The following SCN11A variants were observed in gnomAD, a reference collection of about 807,000 sequenced individuals.
SCN11A encodes the protein sodium channel protein type 11 subunit alpha.
A neutral mutation model predicts 162.2 loss-of-function variants in SCN11A; 122 were observed. The observed-to-expected ratio is 0.75, with a 90% CI of 0.65 to 0.87. The LOEUF (loss-of-function observed/expected upper bound fraction) is 0.87. Ranked by LOEUF, SCN11A falls within the 40% of genes least tolerant of loss-of-function variation. SCN11A has a pLI of 0.00. For missense variants in SCN11A, 2,015 were observed against 2,181.6 expected, an observed-to-expected ratio of 0.92 and a Z score of 1.52; for synonymous variants, 758 against 751.5, an observed-to-expected ratio of 1.01 and a Z score of -0.14.
At chr3:38,992,972 G>A (rs927328687) in intron 2 of SCN11A, among the ~76,000 whole-genome samples, 11 of 152,318 alleles carry the variant, frequency 7.2e-5, no homozygotes, top group Non-Finnish European at 1.6e-4. Flanking sequence ...CTCAGTCCTA[G>A]GTCAGGTACA....
At chr3:38,889,670 G>A (rs2065461833) in intron 19 of SCN11A, among the ~76,000 whole-genome samples, 3 of 147,852 alleles carry the variant, frequency 2.0e-5, no homozygotes, top group South Asian at 2.2e-4. Flanking sequence ...TGTGGTGGCC[G>A]GCGCCTGTCA....
chr3:38,919,314 T>C (rs2066009291), intron 11 of SCN11A, among the ~76,000 whole-genome samples: 1 of 152,248 alleles, frequency 6.6e-6, no homozygotes, highest in Non-Finnish European at 1.5e-5. Context: ...TATCTATTTG[T>C]AATTTAGGAA....
At chr3:38,930,727 A>C (rs759238115) in intron 7 of SCN11A, among the ~76,000 whole-genome samples, 11 of 152,128 alleles carry the variant, frequency 7.2e-5, no homozygotes, top group Non-Finnish European at 1.5e-4. Flanking sequence ...ATGTGGAGTA[A>C]AACCATGCCC....
At chr3:38,938,507 ATC>A (rs2066373610) in intron 7 of SCN11A, among the ~76,000 whole-genome samples, 117 of 105,822 alleles carry the variant, frequency 1.1e-3, no homozygotes, top group Middle Eastern at 5.1e-3. Flanking sequence ...AAGGAAAAAT[ATC>A]ATATATATAT....
In SCN11A at chr3:38,863,202, C is replaced by T. The variant is rs375444880; in HGVS notation, c.4049G>A (p.Arg1350Gln). ...TCATTCAATTGCTCTCACCAGAGGC[C>T]GTGGAATGGGTTTTTGAGGTTTTTT... ...GSKKPQKPIP[R>Q]PLNKCQGLVF... is the part of the protein sequence containing the mutation. Residue 1350 changes from arginine to glutamine, a missense_variant, in exon 28 of 30, where the codon CGG becomes CAG. Transcript: ENST00000302328. The T allele has an allele frequency of 3.0e-5, 47 of 1,559,270 alleles. No homozygotes were observed. The highest frequency in any genetic ancestry group is 1.1e-4 in the African/African-American group (8 of 73,760).
chr3:38,927,803 G>C (rs904918077), intron 7 of SCN11A, among the ~76,000 whole-genome samples: 1 of 152,130 alleles, frequency 6.6e-6, no homozygotes, highest in Non-Finnish European at 1.5e-5. Flanking sequence ...TAGCATGGGG[G>C]AAACCCTCGC....
rs1488707921 is a variant in SCN11A, at chr3:38,949,976, G to T, written c.267+120C>A. The T allele has an allele frequency of 7.5e-6, 5 of 666,312 alleles. No individual in the cohort carries two copies. In the South Asian group the frequency reaches 7.9e-5, roughly 11 times the overall value. 41.3% of individuals were successfully genotyped at this position (666,312 alleles called of 1,614,324 possible). Reference sequence around the variant, plus strand: ...AATGCCAGGGGATGACAGCAAAGAAGAGGCACAGCCTGCCTGCTATAAACC... The same window carrying T: ...AATGCCAGGGGATGACAGCAAAGAATAGGCACAGCCTGCCTGCTATAAACC... On this transcript the variant is annotated intron_variant, in intron 5 of 29. Coordinates refer to ENST00000302328, the MANE Select transcript of SCN11A (RefSeq NM_001349253.2).
rs150087925 is a variant in SCN11A, at chr3:38,847,093, G to A, written c.4977C>T (p.Val1659=). 447 of 1,614,144 alleles carry A rather than the reference G, an allele frequency of 2.8e-4. No homozygotes were observed. Among genetic ancestry groups the A allele is most frequent in the Non-Finnish European group, 3.3e-4 (388 of 1,180,030 alleles). The part of the protein sequence containing the change: ...FADALPEPLR[V]AKPNKYQFLV... The stretch of plus-strand genomic sequence containing the variant: ...GAAATTGATATTTATTTGGCTTTGC[G>A]ACACGCAAAGGCTCAGGCAAGGCAT... The change falls in exon 30 of 30, where the codon GTC becomes GTT. Residue 1659 remains valine, a synonymous_variant. Coordinates refer to ENST00000302328, the MANE Select transcript of SCN11A (RefSeq NM_001349253.2).
In SCN11A at chr3:38,846,847, T is replaced by C; in HGVS notation, c.5223A>G (p.Gln1741=). ...TCATCATGTACTTTCGAAAGGCCTT[T>C]TGAATAATAGCAGCACCTCTTTCCT... is the stretch of plus-strand genomic sequence containing the variant. ...KEEERGAAII[Q]KAFRKYMMKV... is the part of the protein sequence containing the mutation. The change falls in exon 30 of 30, where the codon CAA becomes CAG. Residue 1741 remains glutamine, a synonymous_variant. Transcript: ENST00000302328. The C allele has an allele frequency of 6.2e-7, 1 of 1,614,108 alleles. No individual in the cohort carries two copies. Among genetic ancestry groups the C allele is most frequent in the Non-Finnish European group, 8.5e-7 (1 of 1,180,002 alleles).
chr3:38,923,736 A>C (rs1257382641), intron 9 of SCN11A, among the ~76,000 whole-genome samples: 2 of 152,150 alleles, frequency 1.3e-5, no homozygotes, highest in East Asian at 3.9e-4. Flanking sequence ...AGGAGCAGAC[A>C]TTCTGAGATC....
chr3:39,049,006 T>A (rs2032255454), intron 1 of SCN11A, among the ~76,000 whole-genome samples: 1 of 152,232 alleles, frequency 6.6e-6, no homozygotes. Context: ...AAGTGGATAG[T>A]GGAACAGAGA....
At chr3:39,039,831 C>T (rs1254148569) in intron 1 of SCN11A, among the ~76,000 whole-genome samples, 7 of 152,048 alleles carry the variant, frequency 4.6e-5, no homozygotes, top group Admixed American at 4.6e-4. Context: ...GGCAGAGCTA[C>T]CATGTACCTG....
intron 2 of SCN11A, among the ~76,000 whole-genome samples, chr3:39,020,939 T>A (rs2031434371): frequency 6.6e-6 from 1 of 152,032 alleles, no homozygotes; most frequent in Admixed American, 6.5e-5. Context: ...GGAAAGACTT[T>A]ATTCAAAAAA....
chr3:38,891,418 T>G (rs915805650), intron 19 of SCN11A, among the ~76,000 whole-genome samples: 2 of 152,014 alleles, frequency 1.3e-5, no homozygotes, highest in Admixed American at 1.3e-4. Flanking sequence ...GGTGCACCAT[T>G]AAGCACACCA....
chr3:39,051,063 TG>T (rs572618013), intron 1 of SCN11A, among the ~76,000 whole-genome samples: 5 of 152,174 alleles, frequency 3.3e-5, no homozygotes, highest in African/African-American at 9.6e-5. Context: ...GAATTGTCTC[TG>T]GGAACAATTT....
At chr3:39,012,178 A>G (rs988149686) in intron 2 of SCN11A, among the ~76,000 whole-genome samples, 1 of 151,998 alleles carries the variant, frequency 6.6e-6, no homozygotes, top group African/African-American at 2.4e-5. Context: ...ATACAAAATT[A>G]GCCAGGCATG....
chr3:38,937,680 C>G (rs1401706454), intron 7 of SCN11A, among the ~76,000 whole-genome samples: 1 of 152,124 alleles, frequency 6.6e-6, no homozygotes, highest in Non-Finnish European at 1.5e-5. Flanking sequence ...GAGATACCAT[C>G]TCACACCAGT....
chr3:38,883,722 T>C (rs2065348572), intron 21 of SCN11A, among the ~76,000 whole-genome samples: 1 of 152,174 alleles, frequency 6.6e-6, no homozygotes, highest in Non-Finnish European at 1.5e-5. Context: ...GATAGACATG[T>C]GGAGTAGAGC....
chr3:38,929,261 G>T (rs1283228081), intron 7 of SCN11A, among the ~76,000 whole-genome samples: 1 of 151,938 alleles, frequency 6.6e-6, no homozygotes, highest in African/African-American at 2.4e-5. Flanking sequence ...ATATTAATCA[G>T]CCTGAAAAAG....
Sources: allele counts gnomAD v4.1 joint callset (sites outside exome capture counted in the v4.1 genomes callset), GRCh38; gene constraint gnomAD v4.1.1; transcripts MANE v1.5; gene names NCBI Gene and HGNC (gene_info 2026-07-23, HGNC 2026-07-21).